The following NIBAN1 variants were observed in gnomAD, a reference collection of about 807,000 sequenced individuals.
NIBAN1 encodes the protein niban apoptosis regulator 1.
A neutral mutation model predicts 75.1 loss-of-function variants in NIBAN1; 81 were observed. The ratio of observed to expected loss-of-function variants is 1.08; its 90% CI spans 0.90 to 1.30. NIBAN1 has a LOEUF of 1.30. Among genes scored for constraint, NIBAN1 ranks in the 50% most tolerant of loss-of-function variants. The probability of loss-of-function intolerance (pLI) is 0.00; values close to 1 mark genes in which losing one functional copy is unlikely to be tolerated. For missense variants in NIBAN1, 1,133 were observed against 1,128.1 expected, an observed-to-expected ratio of 1.00 and a Z score of -0.06; for synonymous variants, 436 against 424.8, an observed-to-expected ratio of 1.03 and a Z score of -0.32.
intron 12 of NIBAN1, among the ~76,000 whole-genome samples, chr1:184,803,004 G>T (rs979705602): frequency 1.3e-5 from 2 of 152,138 alleles, no homozygotes; most frequent in African/African-American, 2.4e-5. Context: ...CTGGCCCATT[G>T]CTCTGCTCTA....
At chr1:184,878,408 A>G (rs777669721) in intron 5 of NIBAN1, among the ~76,000 whole-genome samples, 6 of 152,222 alleles carry the variant, frequency 3.9e-5, no homozygotes, top group Non-Finnish European at 5.9e-5. Context: ...TCCTTTACAA[A>G]TTAGAGTTTT....
chr1:184,905,615 C>T (rs1023116751), intron 1 of NIBAN1, among the ~76,000 whole-genome samples: 7 of 152,214 alleles, frequency 4.6e-5, no homozygotes, highest in Non-Finnish European at 7.4e-5. Flanking sequence ...CCCTGCTAGC[C>T]ACTTTCAGAC....
At chr1:184,900,580 G>A (rs533666453) in intron 1 of NIBAN1, among the ~76,000 whole-genome samples, 1 of 152,342 alleles carries the variant, frequency 6.6e-6, no homozygotes, top group East Asian at 1.9e-4. Context: ...GAGGACTTGA[G>A]ATGGAGGGAC....
In NIBAN1 at chr1:184,808,141, AG is replaced by A. The variant is rs767986730; in HGVS notation, c.1267del (p.Leu423SerfsTer24). 1.9e-6 allele frequency: 3 copies of A among 1,613,956 alleles called. No homozygotes were observed. The highest frequency in any genetic ancestry group is 2.5e-6 in the Non-Finnish European group (3 of 1,179,972). Reference sequence around the variant, plus strand: ...GTGGGGGAATCTGAAGCGGCTCTTGAGATCCTGCAGGCGCTCGTGAAGCAGG... The same window carrying A: ...GTGGGGGAATCTGAAGCGGCTCTTGAATCCTGCAGGCGCTCGTGAAGCAGG... ...VNLLHERLQD[L>X]KSRFRFPHID... On this transcript the variant is annotated frameshift_variant, in exon 10 of 14. Transcript: ENST00000367511. LOFTEE classifies it high-confidence loss of function.
chr1:184,804,675 T>A (rs2102190968), intron 11 of NIBAN1, among the ~76,000 whole-genome samples: 1 of 152,340 alleles, frequency 6.6e-6, no homozygotes, highest in Admixed American at 6.5e-5. Flanking sequence ...TCTTCCTTTC[T>A]TTCTGTACGC....
chr1:184,801,001 G>A (rs543799012), intron 12 of NIBAN1, among the ~76,000 whole-genome samples: 1 of 152,270 alleles, frequency 6.6e-6, no homozygotes, highest in South Asian at 2.1e-4. Flanking sequence ...GTTTCCAAAT[G>A]GCTTGCCTTT....
intron 1 of NIBAN1, among the ~76,000 whole-genome samples, chr1:184,941,744 T>A: frequency 6.6e-6 from 1 of 152,190 alleles, no homozygotes; most frequent in East Asian, 1.9e-4. Flanking sequence ...CACATGTATT[T>A]TACAATGATA....
chr1:184,823,747 G>T lies in NIBAN1; in HGVS notation c.718-5C>A, dbSNP rs535873167. The T allele has an allele frequency of 1.9e-6, 3 of 1,613,508 alleles. No individual in the cohort carries two copies. Among genetic ancestry groups the T allele is most frequent in the East Asian group, 2.2e-5 (1 of 44,860 alleles). On this transcript the variant is annotated splice_region_variant and splice_polypyrimidine_tract_variant and intron_variant, in intron 6 of 13. Coordinates refer to ENST00000367511, the MANE Select transcript of NIBAN1 (RefSeq NM_052966.4). ...CATCACCAGGTTACTCAGGATCTGC[G>T]CAGCAGAAGACAGCCCAGAGTCGGT...
chr1:184,829,310 C>CTGCA (rs1654930743), intron 6 of NIBAN1, among the ~76,000 whole-genome samples: 1 of 152,088 alleles, frequency 6.6e-6, no homozygotes. Flanking sequence ...GCCTTGTCTT[C>CTGCA]TGCATGTTTT....
At chr1:184,908,056 G>A (rs1162565410) in intron 1 of NIBAN1, among the ~76,000 whole-genome samples, 4 of 152,150 alleles carry the variant, frequency 2.6e-5, no homozygotes, top group Non-Finnish European at 2.9e-5. Flanking sequence ...ATGGAAAGAA[G>A]GCATGCTTAA....
At chr1:184,967,681 T>C (rs1480426226) in intron 1 of NIBAN1, among the ~76,000 whole-genome samples, 1 of 152,204 alleles carries the variant, frequency 6.6e-6, no homozygotes, top group African/African-American at 2.4e-5. Flanking sequence ...GTAGTTACTA[T>C]TACTAGAGCA....
chr1:184,793,170 CT>C lies in NIBAN1; in HGVS notation c.*1806del, dbSNP rs1653742236. The C allele has an allele frequency of 6.6e-6, 1 of 152,118 alleles. No homozygotes were observed. Among genetic ancestry groups the C allele is most frequent in the South Asian group, 2.1e-4 (1 of 4,824 alleles). 9.4% of individuals were successfully genotyped at this position (152,118 alleles called of 1,614,324 possible). On this transcript the variant is annotated 3_prime_UTR_variant, in exon 14 of 14. Coordinates refer to ENST00000367511, the MANE Select transcript of NIBAN1 (RefSeq NM_052966.4). ...TTTAATTTCTGGTTAAATGGTTGAA[CT>C]GTGTGTGAAGCAAATGCTCTAAAGA...
chr1:184,810,879 C>T (rs945206041), intron 9 of NIBAN1, among the ~76,000 whole-genome samples: 6 of 152,150 alleles, frequency 3.9e-5, no homozygotes, highest in East Asian at 1.9e-4. Flanking sequence ...AAGCAGGATC[C>T]GAAGTGGAGC....
chr1:184,912,701 T>C (rs572252537), intron 1 of NIBAN1, among the ~76,000 whole-genome samples: 1 of 152,324 alleles, frequency 6.6e-6, no homozygotes. Context: ...TTAGGGTGAA[T>C]TATGTCAAGT....
At chr1:184,915,971 G>C (rs1205403302) in intron 1 of NIBAN1, among the ~76,000 whole-genome samples, 1 of 152,184 alleles carries the variant, frequency 6.6e-6, no homozygotes, top group Non-Finnish European at 1.5e-5. Flanking sequence ...CTGCCACAGA[G>C]AATTCTGAAA....
At chr1:184,963,606 G>T (rs1359055341) in intron 1 of NIBAN1, among the ~76,000 whole-genome samples, 1 of 152,116 alleles carries the variant, frequency 6.6e-6, no homozygotes, top group Admixed American at 6.5e-5. Flanking sequence ...TAGCTTTCTG[G>T]TGCTCTTAAA....
intron 5 of NIBAN1, among the ~76,000 whole-genome samples, chr1:184,838,295 G>A (rs190757029): frequency 5.1e-4 from 77 of 152,270 alleles, no homozygotes; most frequent in African/African-American, 1.7e-3. Flanking sequence ...TTTAAAAACT[G>A]TGATTCTGTC....
intron 8 of NIBAN1, among the ~76,000 whole-genome samples, chr1:184,819,616 C>T (rs533003063): frequency 1.3e-4 from 20 of 152,278 alleles, no homozygotes; most frequent in East Asian, 7.7e-4. Context: ...GCTAGGAAGA[C>T]GCAATGGAGT....
intron 11 of NIBAN1, 68 bp downstream of exon 11, chr1:184,805,878 C>T (rs752861616): frequency 3.9e-6 from 5 of 1,273,066 alleles, no homozygotes; most frequent in Non-Finnish European, 5.7e-6. Flanking sequence ...TGGTATTTTC[C>T]ACTTTACAAA....
Sources: gnomAD v4.1 joint callset for allele counts (sites outside exome capture counted in the v4.1 genomes callset) on GRCh38, gnomAD v4.1.1 for gene constraint, MANE v1.5 for transcripts, NCBI Gene and HGNC (gene_info 2026-07-23, HGNC 2026-07-21) for gene names.